Variants in KAT6B observed in about 807,000 individuals in gnomAD.
KAT6B encodes the protein lysine acetyltransferase 6B, also known as histone acetyltransferase KAT6B.
Under a neutral mutation model 187.5 loss-of-function variants are expected in KAT6B, and 10 were observed. That is an observed-to-expected ratio of 0.05 (90% CI 0.03 to 0.09). The LOEUF (loss-of-function observed/expected upper bound fraction) is 0.09. Ranked by LOEUF, KAT6B falls within the 10% of genes least tolerant of loss-of-function variation. KAT6B has a pLI of 1.00. For missense variants in KAT6B, 1,952 were observed against 2,558.9 expected, an observed-to-expected ratio of 0.76 and a Z score of 5.12; for synonymous variants, 861 against 926.8, an observed-to-expected ratio of 0.93 and a Z score of 1.29.
intron 3 of KAT6B, among the ~76,000 whole-genome samples, chr10:74,846,468 C>T (rs892865406): frequency 5.3e-5 from 8 of 151,842 alleles, no homozygotes; most frequent in African/African-American, 1.7e-4. Flanking sequence ...GAGATGGAGT[C>T]TTGCTCTGTC....
At chr10:74,889,146 T>C (rs1291523578) in intron 3 of KAT6B, among the ~76,000 whole-genome samples, 3 of 152,196 alleles carry the variant, frequency 2.0e-5, no homozygotes, top group East Asian at 1.9e-4. Flanking sequence ...TGGGACGAGA[T>C]TGAGGAAGTG....
At position 74,838,153 on chromosome 10, in the gene KAT6B, A is replaced by G. The variant is rs373770991; in HGVS notation, c.-328-530A>G. Among the ~76,000 whole-genome samples the G allele has an allele frequency of 3.3e-5, 5 of 152,170 alleles. No homozygotes were observed. The South Asian group carries it at 6.2e-4, about 19-fold the overall frequency. ...TGACTTGTGTCAATACATATTTACT[A>G]TTATGTAAACTGGTACGTTTTTCTT... is the stretch of plus-strand genomic sequence containing the variant. On this transcript the variant is annotated intron_variant, in intron 1 of 17. Transcript: ENST00000287239.
At position 75,028,569 on chromosome 10, in the gene KAT6B, C is replaced by T. The variant is rs1846049426; in HGVS notation, c.3745C>T (p.Pro1249Ser). ...ACCTCTAAAGTGCAAACAAGTGTGG[C>T]CAAAAGGAACAAAGCGCGGTCTATC... Reference protein sequence around the residue: ...PEPLKCKQVWPKGTKRGLSKW... With the variant: ...PEPLKCKQVWSKGTKRGLSKW... The change falls in exon 18 of 18, where the codon CCA (proline) becomes TCA (serine). Residue 1249 changes from proline to serine, a missense_variant. Transcript: ENST00000287239. 2 of 1,613,920 alleles carry T rather than the reference C, an allele frequency of 1.2e-6. No homozygotes were observed. The highest frequency in any genetic ancestry group is 1.3e-5 in the African/African-American group (1 of 74,876).
chr10:74,956,663 TACTTA>T (rs1160179034), intron 3 of KAT6B, among the ~76,000 whole-genome samples: 1 of 152,220 alleles, frequency 6.6e-6, no homozygotes, highest in African/African-American at 2.4e-5. Context: ...TTAAAAATGT[TACTTA>T]ACTTCTTAGA....
chr10:74,958,388 C>T (rs997596416), intron 3 of KAT6B, among the ~76,000 whole-genome samples: 4 of 152,112 alleles, frequency 2.6e-5, no homozygotes, highest in African/African-American at 9.7e-5. Context: ...TTTTAATTTA[C>T]ATTTAAAAAC....
At chr10:74,838,447 G>A (rs930710746) in intron 1 of KAT6B, among the ~76,000 whole-genome samples, 11 of 152,160 alleles carry the variant, frequency 7.2e-5, no homozygotes, top group Non-Finnish European at 1.3e-4. Context: ...TCTGGGCTTA[G>A]GGATGAAATT....
intron 3 of KAT6B, among the ~76,000 whole-genome samples, chr10:74,922,660 A>C (rs1054278451): frequency 1.6e-4 from 24 of 152,184 alleles, no homozygotes; most frequent in African/African-American, 5.3e-4. Context: ...ATCTGATTCT[A>C]ATGTGACTTC....
intron 4 of KAT6B, 74 bp downstream of exon 4, chr10:74,960,152 T>G: frequency 1.0e-6 from 1 of 978,610 alleles, no homozygotes; most frequent in South Asian, 1.3e-5. Flanking sequence ...GTCTCTCTAT[T>G]AAAACTGTAT....
At chr10:75,017,210 ATTT>A (rs754346278) in intron 13 of KAT6B, among the ~76,000 whole-genome samples, 2 of 152,084 alleles carry the variant, frequency 1.3e-5, no homozygotes, top group Non-Finnish European at 2.9e-5. Context: ...ATTATTTGGA[ATTT>A]TTTTGGTAAG....
At chr10:74,852,583 GA>G (rs1344401226) in intron 3 of KAT6B, among the ~76,000 whole-genome samples, 1 of 152,156 alleles carries the variant, frequency 6.6e-6, no homozygotes, top group African/African-American at 2.4e-5. Flanking sequence ...TGGGTCAAGG[GA>G]AAGATAAAAT....
chr10:74,926,573 T>C (rs1848518831), intron 3 of KAT6B, among the ~76,000 whole-genome samples: 1 of 152,254 alleles, frequency 6.6e-6, no homozygotes, highest in African/African-American at 2.4e-5. Context: ...CGGAGGTCCT[T>C]TCTTGGGCCC....
chr10:74,839,458 C>T (rs1405598078), intron 2 of KAT6B, among the ~76,000 whole-genome samples: 1 of 152,004 alleles, frequency 6.6e-6, no homozygotes, highest in African/African-American at 2.4e-5. Context: ...TCTTGAACTC[C>T]TGACCTTGGG....
chr10:75,032,465 AAG>A lies in KAT6B; in HGVS notation c.*1422_*1423del, dbSNP rs1846376521. On this transcript the variant is annotated 3_prime_UTR_variant, in exon 18 of 18. Transcript: ENST00000287239. Reference sequence around the variant, plus strand: ...TTTGGGGGAGGGGTTGGCAATAAATAAGAGTAATATCTAATAAAACCATCACA... The same window carrying A: ...TTTGGGGGAGGGGTTGGCAATAAATAAGTAATATCTAATAAAACCATCACA... The A allele has an allele frequency of 5.4e-6, 1 of 185,950 alleles. No homozygotes were observed. Among genetic ancestry groups the A allele is most frequent in the African/African-American group, 2.3e-5 (1 of 42,682 alleles). The allele number at this position is 185,950 out of a possible 1,614,324, so 11.5% of individuals were successfully genotyped here.
At chr10:74,957,213 A>G (rs773369076) in intron 3 of KAT6B, among the ~76,000 whole-genome samples, 11 of 152,240 alleles carry the variant, frequency 7.2e-5, no homozygotes, top group Non-Finnish European at 1.5e-4. Context: ...GACAATTTTT[A>G]AAAGTTAATT....
intron 3 of KAT6B, among the ~76,000 whole-genome samples, chr10:74,939,640 T>C (rs548347062): frequency 1.1e-3 from 161 of 152,198 alleles, no homozygotes; most frequent in African/African-American, 3.3e-3. Flanking sequence ...ACCTTGTGAT[T>C]CGCCCGCCTC....
At chr10:74,968,096 CAG>C (rs1841599512) in intron 4 of KAT6B, among the ~76,000 whole-genome samples, 1 of 152,144 alleles carries the variant, frequency 6.6e-6, no homozygotes, top group Non-Finnish European at 1.5e-5. Flanking sequence ...TATAAGGGGA[CAG>C]AGGGGAGGGC....
chr10:74,854,614 CA>C (rs1414174784), intron 3 of KAT6B, among the ~76,000 whole-genome samples: 1 of 152,008 alleles, frequency 6.6e-6, no homozygotes, highest in Non-Finnish European at 1.5e-5. Flanking sequence ...CTGGTCTAAG[CA>C]AAATCCAGGA....
At chr10:74,923,852 G>A (rs1360997586) in intron 3 of KAT6B, among the ~76,000 whole-genome samples, 5 of 152,194 alleles carry the variant, frequency 3.3e-5, no homozygotes, top group African/African-American at 1.2e-4. Flanking sequence ...TTAACAAGCT[G>A]TTTCCTGCTG....
At position 75,014,790 on chromosome 10, in the gene KAT6B, C is replaced by T. The variant is rs571527641; in HGVS notation, c.2630-5792C>T. Reference sequence around the variant, plus strand: ...GAAGCAGAGGTGTAGAACATCTGCACGAAGCGATTTGGCAACTCAGTGACC... The same window carrying T: ...GAAGCAGAGGTGTAGAACATCTGCATGAAGCGATTTGGCAACTCAGTGACC... On this transcript the variant is annotated intron_variant, in intron 13 of 17. Transcript: ENST00000287239. Among the ~76,000 whole-genome samples the T allele has an allele frequency of 5.3e-5, 8 of 152,218 alleles. No homozygotes were observed. The South Asian group carries it at 6.2e-4, about 12-fold the overall frequency.
Sources: allele counts gnomAD v4.1 joint callset (sites outside exome capture counted in the v4.1 genomes callset), GRCh38; gene constraint gnomAD v4.1.1; transcripts MANE v1.5; gene names NCBI Gene and HGNC (gene_info 2026-07-23, HGNC 2026-07-21).